Variants in PTPRD observed in about 807,000 individuals in gnomAD.
PTPRD encodes protein tyrosine phosphatase receptor type D, also known as receptor-type tyrosine-protein phosphatase delta.
Under a neutral mutation model 214.5 loss-of-function variants are expected in PTPRD, and 34 were observed. That is an observed-to-expected ratio of 0.16 (90% confidence interval 0.12 to 0.21). PTPRD has a LOEUF of 0.21. Among genes scored for constraint, PTPRD ranks in the 10% least tolerant of loss-of-function variants. The pLI is 1.00. For missense variants in PTPRD, 2,545 were observed against 2,398.7 expected (o/e 1.06, Z -1.27); for synonymous variants, 1,128 against 845.7 (o/e 1.33, Z -5.79).
At chr9:9,014,202 T>G (rs74482673) in intron 11 of PTPRD, among the ~76,000 whole-genome samples, 37 of 141,906 alleles carry the variant, frequency 2.6e-4, no homozygotes, top group South Asian at 2.0e-3. Flanking sequence ...TTTGTTTGTT[T>G]TTTTTTTTTT....
intron 3 of PTPRD, among the ~76,000 whole-genome samples, chr9:10,330,039 T>C (rs996036021): frequency 2.0e-4 from 30 of 151,890 alleles, no homozygotes; most frequent in Non-Finnish European, 1.2e-4. Flanking sequence ...AGAACTATAT[T>C]CCTGTACTTT....
intron 3 of PTPRD, among the ~76,000 whole-genome samples, chr9:10,040,378 G>A (rs34858247): frequency 0.11 from 16,094 of 152,036 alleles, 938 homozygotes; most frequent in East Asian, 0.14. Flanking sequence ...CTAATAAGGG[G>A]TACGAGGAGC....
At chr9:10,070,950 G>A (rs1037659980) in intron 3 of PTPRD, among the ~76,000 whole-genome samples, 4 of 151,914 alleles carry the variant, frequency 2.6e-5, no homozygotes, top group Non-Finnish European at 5.9e-5. Flanking sequence ...GGTAATTAGG[G>A]AAACATCAAC....
At chr9:8,413,479 T>C (rs1343175736) in intron 35 of PTPRD, among the ~76,000 whole-genome samples, 2 of 152,132 alleles carry the variant, frequency 1.3e-5, no homozygotes. Context: ...CTTAAAAAAC[T>C]CTTGTACCCC....
intron 6 of PTPRD, among the ~76,000 whole-genome samples, chr9:9,736,913 T>A (rs1292954947): frequency 6.6e-6 from 1 of 152,070 alleles, no homozygotes; most frequent in African/African-American, 2.4e-5. Flanking sequence ...GTTTCTTACG[T>A]TGAACACCTA....
At position 9,100,536 on chromosome 9, in the gene PTPRD, G is replaced by A. The variant is rs552161474; in HGVS notation, c.-142-81801C>T. Among the ~76,000 whole-genome samples, 8 of 152,198 alleles carry A rather than the reference G, an allele frequency of 5.3e-5. No homozygotes were observed. In the South Asian group the frequency reaches 1.4e-3, roughly 28 times the overall value. On this transcript the variant is annotated intron_variant, in intron 10 of 45. Coordinates refer to ENST00000381196, the MANE Select transcript of PTPRD (RefSeq NM_002839.4). ...AAGACAATTCTGTTGGTATGATCAG[G>A]TAGACAGAACATTGTTCAAGCAGAT...
chr9:10,410,043 G>T (rs192032780), intron 2 of PTPRD, among the ~76,000 whole-genome samples: 1 of 151,446 alleles, frequency 6.6e-6, no homozygotes, highest in African/African-American at 2.4e-5. Context: ...ATCAAGCCAC[G>T]AATTCTTGGG....
intron 4 of PTPRD, among the ~76,000 whole-genome samples, chr9:9,990,599 T>A (rs1588315198): frequency 1.3e-5 from 2 of 152,330 alleles, no homozygotes; most frequent in Admixed American, 1.3e-4. Flanking sequence ...CCCTACACAA[T>A]CAGCTGGAAA....
intron 2 of PTPRD, among the ~76,000 whole-genome samples, chr9:10,559,434 G>A (rs1014061594): frequency 1.3e-5 from 2 of 152,050 alleles, no homozygotes; most frequent in Admixed American, 6.6e-5. Flanking sequence ...TTCTATTTAA[G>A]TTACATTTTT....
rs780545572 is a variant in PTPRD, at chr9:8,486,236, C to A, written c.2581G>T (p.Gly861Cys). 5 of 1,614,046 alleles carry A rather than the reference C, an allele frequency of 3.1e-6. No homozygotes were observed. The highest frequency in any genetic ancestry group is 4.2e-6 in the Non-Finnish European group (5 of 1,180,024). ...GTAAGTGGCTCCATATCCTTGCGGC[C>A]AAATTTTAGACGGTAGCCCTGAAGA... Reference protein sequence around the residue: ...GPLQGYRLKFGRKDMEPLTTL... With the variant: ...GPLQGYRLKFCRKDMEPLTTL... Residue 861 changes from glycine to cysteine, a missense_variant, in exon 28 of 46, where the codon GGC becomes TGC. By Grantham distance (159) the Gly-to-Cys change is radical. Transcript: ENST00000381196.
chr9:10,570,561 C>T (rs138302311), intron 2 of PTPRD, among the ~76,000 whole-genome samples: 41 of 152,122 alleles, frequency 2.7e-4, no homozygotes, highest in African/African-American at 9.6e-4. Flanking sequence ...TGGAAAAATG[C>T]ACACACATAC....
chr9:8,339,507 T>C (rs917917974), intron 42 of PTPRD, among the ~76,000 whole-genome samples: 5 of 152,148 alleles, frequency 3.3e-5, no homozygotes, highest in African/African-American at 9.7e-5. Context: ...TTTGTTCCAA[T>C]CTTACTTGTC....
chr9:9,276,170 G>A (rs1237741228), intron 9 of PTPRD, among the ~76,000 whole-genome samples: 1 of 151,224 alleles, frequency 6.6e-6, no homozygotes, highest in East Asian at 2.0e-4. Flanking sequence ...TTTCATTGGG[G>A]ACATTCATTT....
At chr9:9,987,218 AACCC>A (rs2095746458) in intron 4 of PTPRD, among the ~76,000 whole-genome samples, 1 of 152,212 alleles carries the variant, frequency 6.6e-6, no homozygotes. Flanking sequence ...GTGAATCTCC[AACCC>A]AGTTTTTACA....
At chr9:9,222,258 T>C (rs13294494) in intron 9 of PTPRD, among the ~76,000 whole-genome samples, 35,581 of 151,946 alleles carry the variant, frequency 0.23, 4,591 homozygotes, top group Middle Eastern at 0.33. Context: ...GCAAACAACT[T>C]CCAGGCCTTA....
At position 9,837,740 on chromosome 9, in the gene PTPRD, T is replaced by C. The variant is rs1466136157; in HGVS notation, c.-367-70889A>G. Among the ~76,000 whole-genome samples, 5 of 151,868 alleles carry C rather than the reference T, an allele frequency of 3.3e-5. No homozygotes were observed. The East Asian group carries it at 9.6e-4, about 29-fold the overall frequency. ...ATGACTTTGGCTGTGTTTTCTGTTC[T>C]CTGTCCTTGCTGCATTTTTTTATTC... On this transcript the variant is annotated intron_variant, in intron 5 of 45. Transcript: ENST00000381196.
intron 3 of PTPRD, among the ~76,000 whole-genome samples, chr9:10,120,838 T>C (rs968406238): frequency 1.3e-5 from 2 of 152,122 alleles, no homozygotes; most frequent in Admixed American, 1.3e-4. Context: ...TCAACCCTGC[T>C]ATCAATCTCA....
At chr9:10,363,378 C>T (rs934041600) in intron 2 of PTPRD, among the ~76,000 whole-genome samples, 1 of 152,106 alleles carries the variant, frequency 6.6e-6, no homozygotes, top group African/African-American at 2.4e-5. Context: ...AGTAAATAAG[C>T]CCTCTGTGCA....
At chr9:8,883,434 T>A (rs1260623868) in intron 11 of PTPRD, among the ~76,000 whole-genome samples, 2 of 152,186 alleles carry the variant, frequency 1.3e-5, no homozygotes. Flanking sequence ...TTGGCCAGTG[T>A]TGTTAGACTT....
Sources: gnomAD v4.1 joint callset for allele counts (sites outside exome capture counted in the v4.1 genomes callset) on GRCh38, gnomAD v4.1.1 for gene constraint, MANE v1.5 for transcripts, NCBI Gene and HGNC (gene_info 2026-07-23, HGNC 2026-07-21) for gene names.